B4GALNT3: variants seen among roughly 807,000 people sequenced by gnomAD.
B4GALNT3 encodes the protein beta-1,4-N-acetyl-galactosaminyltransferase 3, also known as beta-1,4-N-acetylgalactosaminyltransferase 3.
B4GALNT3 carries 86 observed loss-of-function variants against 120.2 expected under a neutral mutation model. The observed-to-expected ratio is 0.72, with a 90% CI of 0.60 to 0.86. The LOEUF is 0.86. Ranked by LOEUF, B4GALNT3 falls within the 40% of genes least tolerant of loss-of-function variation. The pLI is 0.00. For synonymous variants in B4GALNT3, 518 were observed against 510.4 expected (o/e 1.01, Z -0.20); for missense variants, 1,167 against 1,298.9 (o/e 0.90, Z 1.56).
intron 1 of B4GALNT3, among the ~76,000 whole-genome samples, chr12:521,382 C>T (rs79426802): frequency 0.029 from 4,343 of 152,238 alleles, 237 homozygotes; most frequent in African/African-American, 0.099. Context: ...AGCCGGGTCA[C>T]TGGGTGGCTG....
rs1401897970 is a variant in B4GALNT3, at chr12:546,529, C to T, written c.640-117C>T. On this transcript the variant is annotated intron_variant, in intron 6 of 19. Transcript: ENST00000266383. ...CTACCTCTCTCACCTTCATTCCGCC[C>T]GTCTTCCTCCCTTTTTCTCTCACTT... 31 of 913,858 alleles carry T rather than the reference C, an allele frequency of 3.4e-5. No homozygotes were observed. In the Admixed American group the frequency reaches 5.0e-4, roughly 15 times the overall value. 56.6% of individuals were successfully genotyped at this position (913,858 alleles called of 1,614,324 possible).
intron 1 of B4GALNT3, among the ~76,000 whole-genome samples, chr12:498,752 T>A (rs1946412802): frequency 6.6e-6 from 1 of 152,206 alleles, no homozygotes; most frequent in Non-Finnish European, 1.5e-5. Context: ...ACTTTGTCTT[T>A]TTGGATGTTC....
chr12:487,932 CAG>C lies in B4GALNT3; in HGVS notation c.169+27390_169+27391del, dbSNP rs757723239. Among the ~76,000 whole-genome samples the C allele has an allele frequency of 1.2e-4, 19 of 152,232 alleles. No individual in the cohort carries two copies. In the East Asian group the frequency reaches 3.1e-3, roughly 25 times the overall value. ...CACCATTGCACTCCAGCTTGGGCAA[CAG>C]AGCAAGGCCCTGTCTCCAAAACAAA... On this transcript the variant is annotated intron_variant, in intron 1 of 19. Transcript: ENST00000266383.
chr12:546,577 G>A (rs1340710544), intron 6 of B4GALNT3, 69 bp from the exon 7 acceptor site: 2 of 1,386,684 alleles, frequency 1.4e-6, no homozygotes, highest in Admixed American at 2.0e-5. Context: ...TCCTGGTCTC[G>A]CACTCACCGC....
chr12:507,071 A>G (rs1312847201), intron 1 of B4GALNT3, among the ~76,000 whole-genome samples: 1 of 152,232 alleles, frequency 6.6e-6, no homozygotes, highest in Non-Finnish European at 1.5e-5. Context: ...AAGCCCCGGT[A>G]CATTTGTCAT....
In B4GALNT3 at chr12:491,184, A is replaced by AT. The variant is rs1425951023; in HGVS notation, c.169+30645dup. On this transcript the variant is annotated intron_variant, in intron 1 of 19. Coordinates refer to ENST00000266383, the MANE Select transcript of B4GALNT3 (RefSeq NM_173593.4). Reference sequence around the variant, plus strand: ...TGTAAAAAGATTATACATCATGGCCATTTTTTCTAGGTATGCAAGGGTGGT... The same window carrying AT: ...TGTAAAAAGATTATACATCATGGCCATTTTTTTCTAGGTATGCAAGGGTGGT... 4.6e-5 allele frequency among the ~76,000 whole-genome samples: 7 copies of AT among 152,306 alleles called. No homozygotes were observed. The East Asian group carries it at 5.8e-4, about 13-fold the overall frequency.
chr12:558,002 T>G lies in B4GALNT3; in HGVS notation c.2535-14T>G. ...CTGAGTCCTGATACGCAGCCCTCTC[T>G]CCCCTTCCTGCAGCTACCAGTACGT... On this transcript the variant is annotated splice_polypyrimidine_tract_variant and intron_variant, in intron 16 of 19. Coordinates refer to ENST00000266383, the MANE Select transcript of B4GALNT3 (RefSeq NM_173593.4). 6.2e-7 allele frequency: 1 copy of G among 1,613,736 alleles called. No homozygotes were observed. Among genetic ancestry groups the G allele is most frequent in the East Asian group, 2.2e-5 (1 of 44,884 alleles).
chr12:539,232 C>T (rs2120673906), intron 3 of B4GALNT3, among the ~76,000 whole-genome samples: 1 of 152,314 alleles, frequency 6.6e-6, no homozygotes, highest in Non-Finnish European at 1.5e-5. Flanking sequence ...CATGGAGTGA[C>T]TGTTTCAAAA....
At chr12:475,913 C>G (rs1031031660) in intron 1 of B4GALNT3, among the ~76,000 whole-genome samples, 1 of 152,174 alleles carries the variant, frequency 6.6e-6, no homozygotes, top group Non-Finnish European at 1.5e-5. Flanking sequence ...CCCTTAGAAT[C>G]GGGTCGGCGC....
intron 1 of B4GALNT3, 73 bp from the exon 2 acceptor site, chr12:535,093 C>T: frequency 7.7e-7 from 1 of 1,304,002 alleles, no homozygotes; most frequent in Non-Finnish European, 1.1e-6. Flanking sequence ...CTCCATTAAC[C>T]TCCCAAATCT....
chr12:505,947 T>G (rs1277571707), intron 1 of B4GALNT3, among the ~76,000 whole-genome samples: 3 of 152,248 alleles, frequency 2.0e-5, no homozygotes, highest in African/African-American at 7.2e-5. Context: ...ATTTTTGTCT[T>G]CTTTCATTTG....
At chr12:535,542 C>T (rs1208042278) in intron 2 of B4GALNT3, among the ~76,000 whole-genome samples, 2 of 152,170 alleles carry the variant, frequency 1.3e-5, no homozygotes, top group Non-Finnish European at 2.9e-5. Flanking sequence ...TTCAGTTTGC[C>T]CGTGCCGGAA....
intron 1 of B4GALNT3, among the ~76,000 whole-genome samples, chr12:490,962 T>A (rs564806049): frequency 1.3e-5 from 2 of 152,256 alleles, no homozygotes; most frequent in African/African-American, 4.8e-5. Flanking sequence ...AAGGAGGAAA[T>A]TATGCCATTT....
intron 12 of B4GALNT3, 129 bp downstream of exon 12, chr12:552,292 TACACACACACAC>T (rs10604398): frequency 1.3e-3 from 789 of 626,666 alleles, no homozygotes; most frequent in South Asian, 2.0e-3. Flanking sequence ...TCCTGAGTAC[TACACACACACAC>T]ACACACACAC....
In B4GALNT3 at chr12:468,891, C is replaced by G. The variant is rs1000156692; in HGVS notation, c.169+8346C>G. 8.5e-5 allele frequency among the ~76,000 whole-genome samples: 13 copies of G among 152,308 alleles called. 1 individual carries two copies. Among genetic ancestry groups the G allele is most frequent in the African/African-American group, 4.8e-5 (2 of 41,566 alleles). On this transcript the variant is annotated intron_variant, in intron 1 of 19. Coordinates refer to ENST00000266383, the MANE Select transcript of B4GALNT3 (RefSeq NM_173593.4). ...CATTCTGCTTTGTGGCCACACGACC[C>G]AGGAAGAGGGCCCACAAATGGACGA...
intron 3 of B4GALNT3, among the ~76,000 whole-genome samples, chr12:537,367 T>C (rs1946871632): frequency 6.6e-6 from 1 of 152,214 alleles, no homozygotes; most frequent in South Asian, 2.1e-4. Context: ...TCACTGTATC[T>C]TTAACTTCTG....
chr12:507,296 C>T (rs192798981), intron 1 of B4GALNT3, among the ~76,000 whole-genome samples: 2 of 152,272 alleles, frequency 1.3e-5, no homozygotes, highest in South Asian at 2.1e-4. Context: ...TTTTGAACAC[C>T]TTTCTGGGTT....
chr12:507,466 G>A (rs150828305), intron 1 of B4GALNT3, among the ~76,000 whole-genome samples: 51 of 152,308 alleles, frequency 3.3e-4, no homozygotes, highest in African/African-American at 1.2e-3. Flanking sequence ...CCACTGTCTT[G>A]GAATTTGGAC....
At chr12:480,050 A>C (rs1592014550) in intron 1 of B4GALNT3, among the ~76,000 whole-genome samples, 1 of 151,688 alleles carries the variant, frequency 6.6e-6, no homozygotes, top group East Asian at 1.9e-4. Flanking sequence ...AGTAGCTGGG[A>C]CTACAGGCGC....
Sources: gnomAD v4.1 joint callset for allele counts (sites outside exome capture counted in the v4.1 genomes callset) on GRCh38, gnomAD v4.1.1 for gene constraint, MANE v1.5 for transcripts, NCBI Gene and HGNC (gene_info 2026-07-23, HGNC 2026-07-21) for gene names.